The following NANS variants were observed in gnomAD, a reference collection of about 807,000 sequenced individuals.
The protein encoded by NANS is N-acetylneuraminate-9-phosphate synthase.
In NANS, 29 loss-of-function variants were observed where a neutral mutation model predicts 33.3. The ratio of observed to expected loss-of-function variants is 0.87; its 90% CI spans 0.65 to 1.19. NANS has a LOEUF of 1.19. Ranked by LOEUF, NANS falls within the 50% of genes most tolerant of loss-of-function variation. The pLI is 0.00. For missense variants in NANS, 394 were observed against 461.1 expected, an observed-to-expected ratio of 0.85 and a Z score of 1.33; for synonymous variants, 163 against 177.2, an observed-to-expected ratio of 0.92 and a Z score of 0.64.
At chr9:98,057,001 G>A (rs1173509989) in intron 1 of NANS, 61 bp downstream of exon 1, 4 of 1,489,830 alleles carry the variant, frequency 2.7e-6, no homozygotes, top group African/African-American at 2.9e-5. Flanking sequence ...GCGGGGCCGC[G>A]GGGAGCCAGG....
At chr9:98,070,020 G>C (rs1829266661) in intron 2 of NANS, among the ~76,000 whole-genome samples, 1 of 152,190 alleles carries the variant, frequency 6.6e-6, no homozygotes, top group African/African-American at 2.4e-5. Flanking sequence ...TGGGGGAAGA[G>C]TATATAGTAT....
rs1199128352 is a variant in NANS, at chr9:98,056,749, C to T, written c.-60C>T. The T allele has an allele frequency of 2.0e-6, 3 of 1,512,210 alleles. No individual in the cohort carries two copies. The highest frequency in any genetic ancestry group is 2.7e-6 in the Non-Finnish European group (3 of 1,123,818). The allele number at this position is 1,512,210 out of a possible 1,614,324, so 93.7% of individuals were successfully genotyped here. A position where few individuals can be genotyped will look rare whatever the true frequency, so the allele number is the denominator to read the frequency against. On this transcript the variant is annotated 5_prime_UTR_variant, in exon 1 of 6. Transcript: ENST00000210444. ...CGTTGCTCACAGAACAGAGTAGAGG[C>T]GGCGGCGGCGGCGGCCGGACCCAGA...
chr9:98,073,612 G>A (rs973909208), intron 2 of NANS, among the ~76,000 whole-genome samples: 1 of 148,552 alleles, frequency 6.7e-6, no homozygotes, highest in Non-Finnish European at 1.5e-5. Context: ...TTCCAATCCT[G>A]AAGGATCCAA....
Position 98,078,288 on chromosome 9 carries a change from T to C in NANS, c.544T>C (p.Leu182=), listed in dbSNP as rs1408792566. Residue 182 remains leucine, a synonymous_variant, in exon 4 of 6, where the codon TTG becomes CTG. Transcript: ENST00000210444. ...VKPLNPNFCF[L]QCTSAYPLQP... ...GCCCCTCAACCCCAACTTCTGCTTCTTGCAGTGTACCAGCGCATACCCGCT... is the reference window on the plus strand; with the variant it reads ...GCCCCTCAACCCCAACTTCTGCTTCCTGCAGTGTACCAGCGCATACCCGCT... 3.7e-6 allele frequency: 6 copies of C among 1,613,972 alleles called. No homozygotes were observed. Among genetic ancestry groups the C allele is most frequent in the Middle Eastern group, 1.6e-4 (1 of 6,062 alleles).
intron 4 of NANS, 27 bp from the exon 5 acceptor site, chr9:98,080,789 T>C (rs778451621): frequency 1.3e-6 from 2 of 1,547,634 alleles, no homozygotes; most frequent in South Asian, 1.2e-5. Flanking sequence ...TGATATTTAA[T>C]GTTATTTTTC....
intron 5 of NANS, chr9:98,081,945 C>G (rs756462515): frequency 6.6e-6 from 1 of 152,196 alleles, no homozygotes; most frequent in Non-Finnish European, 1.5e-5. Flanking sequence ...AGATTTATAA[C>G]AGCTGAGCAC....
intron 1 of NANS, among the ~76,000 whole-genome samples, chr9:98,058,700 C>T (rs1305366375): frequency 6.6e-6 from 1 of 152,140 alleles, no homozygotes; most frequent in Non-Finnish European, 1.5e-5. Flanking sequence ...CTGAGGAAGG[C>T]AGATTGCTTG....
chr9:98,063,191 G>A (rs1014228319), intron 2 of NANS, among the ~76,000 whole-genome samples: 15 of 151,748 alleles, frequency 9.9e-5, no homozygotes, highest in Admixed American at 9.9e-4. Flanking sequence ...GCCTCCCAAA[G>A]GTCTGGGGAT....
chr9:98,060,662 C>A lies in NANS; in HGVS notation c.133-120C>A. 3.0e-6 allele frequency: 3 copies of A among 1,010,540 alleles called. No individual in the cohort carries two copies. In the South Asian group the frequency reaches 4.5e-5, roughly 15 times the overall value. 62.6% of individuals were successfully genotyped at this position (1,010,540 alleles called of 1,614,324 possible). ...CTCCAGCCTGGGTGAAAGAGCGAAA[C>A]TCTGTCTCTAAATAAATAAATAAAT... On this transcript the variant is annotated intron_variant, in intron 1 of 5. Coordinates refer to ENST00000210444, the MANE Select transcript of NANS (RefSeq NM_018946.4).
At chr9:98,071,829 C>T (rs141467892) in intron 2 of NANS, among the ~76,000 whole-genome samples, 5 of 152,338 alleles carry the variant, frequency 3.3e-5, no homozygotes, top group South Asian at 4.1e-4. Flanking sequence ...CTTCCGTCCA[C>T]GTTTCCTGGA....
At chr9:98,063,592 A>C (rs1336456213) in intron 2 of NANS, among the ~76,000 whole-genome samples, 1 of 150,746 alleles carries the variant, frequency 6.6e-6, no homozygotes, top group African/African-American at 2.4e-5. Context: ...CCCATGCTGG[A>C]GTGCAACGAT....
intron 2 of NANS, among the ~76,000 whole-genome samples, chr9:98,071,184 C>G (rs142920018): frequency 6.6e-6 from 1 of 152,204 alleles, no homozygotes; most frequent in Non-Finnish European, 1.5e-5. Flanking sequence ...TACACATACC[C>G]CAGCTGTGTG....
intron 4 of NANS, among the ~76,000 whole-genome samples, chr9:98,080,223 TAATA>T (rs1365266574): frequency 3.3e-5 from 5 of 152,154 alleles, no homozygotes; most frequent in African/African-American, 9.7e-5. Context: ...CAAAAAGAAA[TAATA>T]AATAACAATA....
intron 1 of NANS, among the ~76,000 whole-genome samples, chr9:98,060,439 C>T (rs1274294807): frequency 7.2e-5 from 11 of 152,232 alleles, no homozygotes; most frequent in South Asian, 4.1e-4. Context: ...GAGGCCAAGG[C>T]GTTTGGATCA....
Position 98,080,844 on chromosome 9 carries a change from C to A in NANS, c.632C>A (p.Pro211His). 1 of 1,602,864 alleles carries A rather than the reference C, an allele frequency of 6.2e-7. No individual in the cohort carries two copies. Among genetic ancestry groups the A allele is most frequent in the Non-Finnish European group, 8.5e-7 (1 of 1,172,052 alleles). ...SEYQKLFPDI[P>H]IGYSGHETGI... The stretch of plus-strand genomic sequence containing the variant: ...TATCAGAAGCTCTTTCCTGACATTC[C>A]CATAGGGTATTCTGGGCATGAAACA... Residue 211 changes from proline (P) to histidine (H), a missense_variant, in exon 5 of 6, where the codon CCC becomes CAC. Physicochemically the swap from Pro to His is moderately conservative, Grantham distance 77. Coordinates refer to ENST00000210444, the MANE Select transcript of NANS (RefSeq NM_018946.4).
intron 2 of NANS, among the ~76,000 whole-genome samples, chr9:98,067,737 T>C (rs973312776): frequency 6.6e-5 from 10 of 152,200 alleles, no homozygotes; most frequent in African/African-American, 2.4e-4. Context: ...TTTTTTTTTG[T>C]GAGATACGGT....
chr9:98,081,510 C>T, intron 5 of NANS: 1 of 167,998 alleles, frequency 6.0e-6, no homozygotes, highest in Non-Finnish European at 1.3e-5. Context: ...ATTTCCTAAG[C>T]CAGGGTGGCA....
chr9:98,060,901 C>T lies in NANS; in HGVS notation c.252C>T (p.His84=), dbSNP rs1564155466. 6.2e-7 allele frequency: 1 copy of T among 1,614,198 alleles called. No homozygotes were observed. The highest frequency in any genetic ancestry group is 2.2e-5 in the East Asian group (1 of 44,880). ...KHSWGKTYGE[H]KRHLEFSHDQ... ...CCTGGGGGAAGACGTACGGGGAGCA[C>T]AAACGACATCTGGAGTTCAGCCATG... The change falls in exon 2 of 6, where the codon CAC becomes CAT. Residue 84 remains histidine (H), a synonymous_variant. Coordinates refer to ENST00000210444, the MANE Select transcript of NANS (RefSeq NM_018946.4).
intron 5 of NANS, 44 bp from the exon 6 acceptor site, chr9:98,082,802 G>C: frequency 6.3e-7 from 1 of 1,584,884 alleles, no homozygotes; most frequent in Non-Finnish European, 8.6e-7. Flanking sequence ...GTGTGCACTA[G>C]TTACTTCTGT....
Sources: gnomAD v4.1 joint callset for allele counts (sites outside exome capture counted in the v4.1 genomes callset) on GRCh38, gnomAD v4.1.1 for gene constraint, MANE v1.5 for transcripts, NCBI Gene and HGNC (gene_info 2026-07-23, HGNC 2026-07-21) for gene names.